The following C2orf15 variants were observed in gnomAD, a reference collection of about 807,000 sequenced individuals.
The protein encoded by C2orf15 is uncharacterized protein C2orf15.
Under a neutral mutation model 4.4 loss-of-function variants are expected in C2orf15, and 3 were observed. The observed-to-expected ratio is 0.67, with a 90% CI of 0.31 to 1.74. C2orf15 has a LOEUF of 1.74. Among genes scored for constraint, C2orf15 ranks in the 40% most tolerant of loss-of-function variants. The pLI, the probability that C2orf15 is intolerant of heterozygous loss-of-function variation, is 0.09. For synonymous variants in C2orf15, 37 were observed against 36.8 expected (o/e 1.00, Z -0.02); for missense variants, 90 against 103.3 (o/e 0.87, Z 0.56).
At chr2:99,143,573 C>G (rs970446071) in intron 2 of C2orf15, among the ~76,000 whole-genome samples, 5 of 151,790 alleles carry the variant, frequency 3.3e-5, no homozygotes, top group African/African-American at 1.2e-4. Flanking sequence ...CAGGTTGAAG[C>G]AGTTCTCCTG....
Position 99,150,987 on chromosome 2 carries a change from T to A in C2orf15, c.*153T>A, listed in dbSNP as rs981586725. 1 of 517,800 alleles carries A rather than the reference T, an allele frequency of 1.9e-6. No homozygotes were observed. Among genetic ancestry groups the A allele is most frequent in the Non-Finnish European group, 3.5e-6 (1 of 289,516 alleles). The allele number at this position is 517,800 out of a possible 1,614,324, so 32.1% of individuals were successfully genotyped here. A position where few individuals can be genotyped will look rare whatever the true frequency, so the allele number is the denominator to read the frequency against. ...TTTGTGAATCATCTTACACTGCATT[T>A]TTTTATGATGCTTATTCAAAAGGCA... On this transcript the variant is annotated 3_prime_UTR_variant, in exon 4 of 4. Transcript: ENST00000650052.
At chr2:99,146,542 C>T (rs1353154204) in intron 2 of C2orf15, among the ~76,000 whole-genome samples, 2 of 152,138 alleles carry the variant, frequency 1.3e-5, no homozygotes, top group African/African-American at 4.8e-5. Flanking sequence ...TTCAAGAAAT[C>T]TTTCTTCACT....
Position 99,151,052 on chromosome 2 carries a change from G to C in C2orf15, c.*218G>C. On this transcript the variant is annotated 3_prime_UTR_variant, in exon 4 of 4. Transcript: ENST00000650052. ...AAAAAGCCTTCCAAGATTCAAAGCA[G>C]ATTTCTCTGGTATTATATTATATCC... 2.4e-6 allele frequency: 1 copy of C among 412,434 alleles called. No individual in the cohort carries two copies. The highest frequency in any genetic ancestry group is 4.3e-6 in the Non-Finnish European group (1 of 230,108). The allele number at this position is 412,434 out of a possible 1,614,324, so 25.5% of individuals were successfully genotyped here. A position where few individuals can be genotyped will look rare whatever the true frequency, so the allele number is the denominator to read the frequency against.
At chr2:99,150,409 A>G (rs2105154681) in intron 3 of C2orf15, 74 bp from the exon 4 acceptor site, 1 of 843,244 alleles carries the variant, frequency 1.2e-6, no homozygotes, top group East Asian at 2.5e-5. Context: ...ACAGCTTTTC[A>G]TTCAAACAAA....
At chr2:99,148,411 T>C (rs1422229988) in intron 3 of C2orf15, 2 of 152,188 alleles carry the variant, frequency 1.3e-5, no homozygotes, top group African/African-American at 4.8e-5. Context: ...TTTAGCTAAG[T>C]TGTATTTGAG....
At chr2:99,144,125 A>T (rs1574754623) in intron 2 of C2orf15, among the ~76,000 whole-genome samples, 2 of 152,006 alleles carry the variant, frequency 1.3e-5, no homozygotes, top group Non-Finnish European at 2.9e-5. Context: ...GCTTCACGCC[A>T]TTCTCCTGCC....
chr2:99,149,746 A>C (rs2093671244), intron 3 of C2orf15, among the ~76,000 whole-genome samples: 1 of 142,044 alleles, frequency 7.0e-6, no homozygotes, highest in African/African-American at 2.6e-5. Flanking sequence ...TCGGCCGATC[A>C]TCTCTTTTTA....
chr2:99,148,456 T>A (rs934376981), intron 3 of C2orf15: 3 of 152,194 alleles, frequency 2.0e-5, no homozygotes, highest in Non-Finnish European at 4.4e-5. Context: ...TTTACCTAAT[T>A]GTTATATTAA....
At chr2:99,143,190 G>A (rs1315585769) in intron 2 of C2orf15, among the ~76,000 whole-genome samples, 5 of 139,026 alleles carry the variant, frequency 3.6e-5, no homozygotes, top group South Asian at 2.3e-4. Context: ...CGCCCAGGCT[G>A]GAGTGCAGTG....
At chr2:99,146,484 AT>A (rs1265753016) in intron 2 of C2orf15, among the ~76,000 whole-genome samples, 1 of 15,206 alleles carries the variant, frequency 6.6e-5, no homozygotes, top group African/African-American at 4.9e-4. Context: ...ATTATGAGTA[AT>A]CAAACTCACT....
intron 2 of C2orf15, among the ~76,000 whole-genome samples, 179 bp downstream of exon 2, chr2:99,142,580 T>G (rs1318897928): frequency 6.6e-6 from 1 of 152,240 alleles, no homozygotes; most frequent in Non-Finnish European, 1.5e-5. Flanking sequence ...ATCATATACT[T>G]TGTAAGTATA....
At chr2:99,149,733 C>T (rs910123440) in intron 3 of C2orf15, among the ~76,000 whole-genome samples, 4 of 149,358 alleles carry the variant, frequency 2.7e-5, no homozygotes, top group African/African-American at 7.4e-5. Flanking sequence ...TGAGCCACTG[C>T]GCTCGGCCGA....
At chr2:99,145,420 G>A (rs1246080054) in intron 2 of C2orf15, among the ~76,000 whole-genome samples, 1 of 151,926 alleles carries the variant, frequency 6.6e-6, no homozygotes, top group Admixed American at 6.6e-5. Context: ...TTAACTGATC[G>A]TGGTGGCAGG....
intron 2 of C2orf15, among the ~76,000 whole-genome samples, chr2:99,144,506 G>A (rs189863018): frequency 1.4e-4 from 21 of 151,894 alleles, no homozygotes; most frequent in Admixed American, 7.2e-4. Flanking sequence ...GAAAGCAGGC[G>A]GGGCACGGTG....
At position 99,144,351 on chromosome 2, in the gene C2orf15, C is replaced by T. The variant is rs1232606398; in HGVS notation, c.-169+1950C>T. On this transcript the variant is annotated intron_variant, in intron 2 of 3. Transcript: ENST00000650052. ...TCCGTTTTTTAAATCAGAGAGTTTC[C>T]TCCTTATGCCGAGGCCTGAAAGTTC... is the stretch of plus-strand genomic sequence containing the variant. Among the ~76,000 whole-genome samples, 4 of 151,886 alleles carry T rather than the reference C, an allele frequency of 2.6e-5. No homozygotes were observed. In the East Asian group the frequency reaches 7.7e-4, roughly 29 times the overall value.
At chr2:99,143,144 T>C (rs2105119715) in intron 2 of C2orf15, among the ~76,000 whole-genome samples, 1 of 129,798 alleles carries the variant, frequency 7.7e-6, no homozygotes, top group East Asian at 2.2e-4. Context: ...TTTTTTTTTT[T>C]TTTTTTTTTT....
intron 2 of C2orf15, among the ~76,000 whole-genome samples, chr2:99,144,395 A>G (rs2093610525): frequency 6.6e-6 from 1 of 150,834 alleles, no homozygotes; most frequent in Non-Finnish European, 1.5e-5. Context: ...GTCCATTCAT[A>G]GGGCTCACTT....
At position 99,147,485 on chromosome 2, in the gene C2orf15, G is replaced by A. The variant is rs757567774; in HGVS notation, c.-85G>A. On this transcript the variant is annotated 5_prime_UTR_variant, in exon 3 of 4. Transcript: ENST00000650052. ...CACCCTTCATGTCCTCAACTCTGGG[G>A]AAGTTAAGGTAAGACTCACAGGGCC... 3 of 1,613,938 alleles carry A rather than the reference G, an allele frequency of 1.9e-6. No homozygotes were observed. The highest frequency in any genetic ancestry group is 1.1e-5 in the South Asian group (1 of 91,060).
rs1019009194 is a variant in C2orf15, at chr2:99,143,913, T to C, written c.-169+1512T>C. Among the ~76,000 whole-genome samples the C allele has an allele frequency of 6.6e-5, 10 of 152,316 alleles. No homozygotes were observed. The East Asian group carries it at 1.2e-3, about 18-fold the overall frequency. On this transcript the variant is annotated intron_variant, in intron 2 of 3. Coordinates refer to ENST00000650052, the MANE Select transcript of C2orf15 (RefSeq NM_144706.4). The stretch of plus-strand genomic sequence containing the variant: ...TCTGTTATTACTATTTTTTGTTTTG[T>C]TTTCACTGTCCTCTTCCTGATCCCC...
Sources: gnomAD v4.1 joint callset for allele counts (sites outside exome capture counted in the v4.1 genomes callset) on GRCh38, gnomAD v4.1.1 for gene constraint, MANE v1.5 for transcripts, NCBI Gene and HGNC (gene_info 2026-07-23, HGNC 2026-07-21) for gene names.